Variants in LRRN3 observed in about 807,000 individuals in gnomAD.
LRRN3 encodes the protein leucine-rich repeat neuronal protein 3.
Under a neutral mutation model 40.1 loss-of-function variants are expected in LRRN3, and 15 were observed. The observed-to-expected ratio is 0.37, with a 90% confidence interval of 0.25 to 0.58. The LOEUF (loss-of-function observed/expected upper bound fraction) is 0.58. Ranked by LOEUF, LRRN3 falls within the 20% of genes least tolerant of loss-of-function variation. The pLI, the probability that LRRN3 is intolerant of heterozygous loss-of-function variation, is 0.72. For missense variants in LRRN3, 746 were observed against 837.7 expected (o/e 0.89, Z 1.35); for synonymous variants, 308 against 297.2 (o/e 1.04, Z -0.37).
intron 1 of LRRN3, among the ~76,000 whole-genome samples, chr7:111,098,849 T>A (rs1036111060): frequency 1.3e-5 from 2 of 151,750 alleles, no homozygotes; most frequent in Non-Finnish European, 3.0e-5. Context: ...TGCCTCCCGT[T>A]GGTACTGCCT....
intron 2 of LRRN3, among the ~76,000 whole-genome samples, chr7:111,103,011 G>A (rs867683616): frequency 6.6e-6 from 1 of 151,410 alleles, no homozygotes; most frequent in African/African-American, 2.4e-5. Context: ...CAATAACATG[G>A]TCTTTTTTAA....
chr7:111,119,132 G>A (rs926611345), intron 2 of LRRN3, among the ~76,000 whole-genome samples: 1 of 152,140 alleles, frequency 6.6e-6, no homozygotes, highest in Admixed American at 6.6e-5. Context: ...GCTGGAGAAA[G>A]CAGACCTAAC....
At chr7:111,091,868 A>AAGACAGAGAGG (rs1230353445) in intron 1 of LRRN3, among the ~76,000 whole-genome samples, 2 of 151,918 alleles carry the variant, frequency 1.3e-5, no homozygotes, top group Non-Finnish European at 2.9e-5. Context: ...GGGAAGAGAG[A>AAGACAGAGAGG]AGACAGAGAG....
intron 2 of LRRN3, among the ~76,000 whole-genome samples, chr7:111,120,345 C>T (rs1467139403): frequency 6.6e-6 from 1 of 152,200 alleles, no homozygotes; most frequent in Admixed American, 6.5e-5. Flanking sequence ...GCACATCTTA[C>T]ATTTAGGCAG....
Position 111,124,126 on chromosome 7 carries a change from C to G in LRRN3, c.1354C>G (p.Pro452Ala), listed in dbSNP as rs1010497113. The change falls in exon 3 of 3, where the codon CCT (proline) becomes GCT (alanine). Residue 452 changes from proline (P) to alanine (A), a missense_variant. Coordinates refer to ENST00000308478, the MANE Select transcript of LRRN3 (RefSeq NM_001099658.2). ...CTGTAGAGCTACTGCAGAACCACAG[C>G]CTGAAATCTACTGGATAACACCTTC... ...FHCRATAEPQ[P>A]EIYWITPSGQ... The G allele has an allele frequency of 1.9e-6, 3 of 1,613,998 alleles. No homozygotes were observed. In the African/African-American group the frequency reaches 4.0e-5, roughly 22 times the overall value.
intron 2 of LRRN3, among the ~76,000 whole-genome samples, chr7:111,118,058 C>T (rs1800106812): frequency 6.6e-6 from 1 of 152,104 alleles, no homozygotes. Flanking sequence ...ATTCATGTTG[C>T]TCCTTTTGGA....
intron 2 of LRRN3, among the ~76,000 whole-genome samples, chr7:111,108,249 TC>T (rs1012125879): frequency 4.6e-5 from 7 of 152,192 alleles, no homozygotes; most frequent in Non-Finnish European, 1.0e-4. Context: ...AGGACTTTTC[TC>T]AGTACTTAAC....
At chr7:111,098,726 G>A (rs921508620) in intron 1 of LRRN3, among the ~76,000 whole-genome samples, 3 of 151,652 alleles carry the variant, frequency 2.0e-5, no homozygotes, top group African/African-American at 7.3e-5. Context: ...TTTTACCAAC[G>A]TGAAAAATAA....
intron 2 of LRRN3, among the ~76,000 whole-genome samples, chr7:111,113,791 AATCTAGTTGGAAATTCCTTTGAAG>A (rs1445968648): frequency 6.6e-6 from 1 of 152,160 alleles, no homozygotes; most frequent in Non-Finnish European, 1.5e-5. Flanking sequence ...GGAATTTCCA[AATCTAGTTGGAAATTCCTTTGAAG>A]ATAAAAGGAT....
intron 1 of LRRN3, among the ~76,000 whole-genome samples, chr7:111,093,601 T>C (rs565546862): frequency 6.6e-6 from 1 of 152,302 alleles, no homozygotes; most frequent in East Asian, 1.9e-4. Context: ...GAACAGTGGA[T>C]TCACTCTTTA....
At chr7:111,110,202 C>T (rs1171157484) in intron 2 of LRRN3, among the ~76,000 whole-genome samples, 3 of 152,116 alleles carry the variant, frequency 2.0e-5, no homozygotes, top group African/African-American at 4.8e-5. Context: ...ATCAAAGATC[C>T]TATCTGTTCA....
At chr7:111,095,198 T>G (rs761360690) in intron 1 of LRRN3, among the ~76,000 whole-genome samples, 1 of 151,964 alleles carries the variant, frequency 6.6e-6, no homozygotes, top group Non-Finnish European at 1.5e-5. Flanking sequence ...GAAAGAGACA[T>G]TAGTAGCTAG....
At position 111,122,631 on chromosome 7, in the gene LRRN3, T is replaced by G. The variant is rs1430430766; in HGVS notation, c.-142T>G. Reference sequence around the variant, plus strand: ...ATTGTGGCACTGGCACTTATTTCAGTGAAGAAAAACTTTGTGGTTCTATGG... The same window carrying G: ...ATTGTGGCACTGGCACTTATTTCAGGGAAGAAAAACTTTGTGGTTCTATGG... On this transcript the variant is annotated 5_prime_UTR_variant, in exon 3 of 3. The change abolishes the stop of an existing upstream ORF in the 5' untranslated region. Coordinates refer to ENST00000308478, the MANE Select transcript of LRRN3 (RefSeq NM_001099658.2). 3.0e-6 allele frequency: 2 copies of G among 657,480 alleles called. No homozygotes were observed. Among genetic ancestry groups the G allele is most frequent in the Non-Finnish European group, 5.3e-6 (2 of 380,030 alleles). The allele number at this position is 657,480 out of a possible 1,614,324, so 40.7% of individuals were successfully genotyped here. A position where few individuals can be genotyped will look rare whatever the true frequency, so the allele number is the denominator to read the frequency against.
Position 111,122,594 on chromosome 7 carries a change from T to A in LRRN3, c.-179T>A, listed in dbSNP as rs962650754. On this transcript the variant is annotated 5_prime_UTR_variant, in exon 3 of 3. The change creates a new upstream start codon in the 5' untranslated region. Transcript: ENST00000308478. ...CTCTTCTCCAATATGCATGACATTT[T>A]TGGACAATGCAATTGTGGCACTGGC... is the stretch of plus-strand genomic sequence containing the variant. 2 of 586,714 alleles carry A rather than the reference T, an allele frequency of 3.4e-6. No individual in the cohort carries two copies. The highest frequency in any genetic ancestry group is 5.6e-5 in the East Asian group (2 of 35,782). The allele number at this position is 586,714 out of a possible 1,614,324, so 36.3% of individuals were successfully genotyped here.
At chr7:111,119,137 C>G (rs1349713910) in intron 2 of LRRN3, among the ~76,000 whole-genome samples, 1 of 152,098 alleles carries the variant, frequency 6.6e-6, no homozygotes, top group Non-Finnish European at 1.5e-5. Context: ...AGAAAGCAGA[C>G]CTAACGAATT....
chr7:111,112,512 T>C (rs961018039), intron 2 of LRRN3, among the ~76,000 whole-genome samples: 8 of 152,146 alleles, frequency 5.3e-5, no homozygotes, highest in Non-Finnish European at 8.8e-5. Flanking sequence ...GCCATAAATA[T>C]GGCCTCCATG....
At chr7:111,107,241 C>T (rs1048629329) in intron 2 of LRRN3, among the ~76,000 whole-genome samples, 3 of 151,844 alleles carry the variant, frequency 2.0e-5, no homozygotes, top group African/African-American at 7.2e-5. Flanking sequence ...TCTTTTTAGA[C>T]AGACTTTGAA....
Position 111,124,549 on chromosome 7 carries a change from A to G in LRRN3, c.1777A>G (p.Ile593Val), listed in dbSNP as rs530232908. 1 of 1,613,566 alleles carries G rather than the reference A, an allele frequency of 6.2e-7. No individual in the cohort carries two copies. Among genetic ancestry groups the G allele is most frequent in the Non-Finnish European group, 8.5e-7 (1 of 1,179,686 alleles). Reference protein sequence around the residue: ...LNPSTEYKICIDIPTIYQKNR... With the variant: ...LNPSTEYKICVDIPTIYQKNR... ...TCCATCAACTGAGTATAAAATTTGT[A>G]TTGATATTCCCACCATCTATCAGAA... Residue 593 changes from isoleucine (I) to valine (V), a missense_variant, in exon 3 of 3, where the codon ATT becomes GTT. Coordinates refer to ENST00000308478, the MANE Select transcript of LRRN3 (RefSeq NM_001099658.2).
intron 2 of LRRN3, among the ~76,000 whole-genome samples, chr7:111,114,477 C>G (rs1799609938): frequency 6.6e-6 from 1 of 152,076 alleles, no homozygotes; most frequent in Admixed American, 6.6e-5. Flanking sequence ...GTGACCCACA[C>G]CTGTAATCCC....
Sources: gnomAD v4.1 joint callset for allele counts (sites outside exome capture counted in the v4.1 genomes callset) on GRCh38, gnomAD v4.1.1 for gene constraint, MANE v1.5 for transcripts, NCBI Gene and HGNC (gene_info 2026-07-23, HGNC 2026-07-21) for gene names.